Variants in FERMT2 observed in about 807,000 individuals in gnomAD.
The protein encoded by FERMT2 is fermitin family homolog 2.
A neutral mutation model predicts 82.7 loss-of-function variants in FERMT2; 15 were observed. The ratio of observed to expected loss-of-function variants is 0.18; its 90% CI spans 0.12 to 0.28. The LOEUF is 0.28. Among genes scored for constraint, FERMT2 ranks in the 10% least tolerant of loss-of-function variants. The pLI is 1.00. For missense variants in FERMT2, 645 were observed against 809.4 expected (o/e 0.80, Z 2.46); for synonymous variants, 274 against 271.5 (o/e 1.01, Z -0.09).
intron 10 of FERMT2, 82 bp downstream of exon 10, chr14:52,872,717 G>C (rs1427641695): frequency 4.7e-6 from 7 of 1,474,136 alleles, no homozygotes; most frequent in Middle Eastern, 1.8e-4. Context: ...TAAAAAACTT[G>C]TTTATCCCAG....
At chr14:52,889,777 A>G (rs1886824771) in intron 4 of FERMT2, among the ~76,000 whole-genome samples, 1 of 152,176 alleles carries the variant, frequency 6.6e-6, no homozygotes, top group Non-Finnish European at 1.5e-5. Context: ...GGCAACTGTA[A>G]CACAATGGTA....
chr14:52,939,373 CA>C (rs35130630), intron 2 of FERMT2, among the ~76,000 whole-genome samples: 1,354 of 93,224 alleles, frequency 0.015, 13 homozygotes, highest in African/African-American at 0.051. Flanking sequence ...ACTACGGTCT[CA>C]AAAAAAAAAA....
At chr14:52,878,962 GTATGT>G (rs1453545447) in intron 6 of FERMT2, among the ~76,000 whole-genome samples, 5 of 152,110 alleles carry the variant, frequency 3.3e-5, no homozygotes, top group Non-Finnish European at 7.4e-5. Flanking sequence ...AGTAGATTCT[GTATGT>G]TATTTTTCAG....
intron 2 of FERMT2, among the ~76,000 whole-genome samples, chr14:52,924,456 G>A (rs913641037): frequency 3.9e-5 from 6 of 152,124 alleles, no homozygotes; most frequent in Admixed American, 6.6e-5. Flanking sequence ...CACCACCTTG[G>A]TGACATCTCT....
At chr14:52,924,677 TAAG>T (rs1479939441) in intron 2 of FERMT2, among the ~76,000 whole-genome samples, 1 of 152,000 alleles carries the variant, frequency 6.6e-6, no homozygotes, top group Non-Finnish European at 1.5e-5. Flanking sequence ...GAAGTACAAA[TAAG>T]AAATACAGAA....
chr14:52,933,710 C>T (rs371242247), intron 2 of FERMT2, among the ~76,000 whole-genome samples: 1 of 8,450 alleles, frequency 1.2e-4, no homozygotes, highest in Non-Finnish European at 2.3e-4. Flanking sequence ...AACTCCGTCT[C>T]AAAAAAAAAA....
At chr14:52,871,105 T>C (rs1241756485) in intron 10 of FERMT2, among the ~76,000 whole-genome samples, 1 of 152,192 alleles carries the variant, frequency 6.6e-6, no homozygotes, top group African/African-American at 2.4e-5. Context: ...ACCAGGAGAC[T>C]ATGGCTGCAG....
intron 4 of FERMT2, among the ~76,000 whole-genome samples, chr14:52,887,747 C>T (rs369632128): frequency 5.5e-4 from 83 of 152,146 alleles, no homozygotes; most frequent in African/African-American, 1.8e-3. Flanking sequence ...TCCTTATTAC[C>T]TTTGTGACCT....
chr14:52,948,098 C>T (rs1456881157), intron 2 of FERMT2, among the ~76,000 whole-genome samples: 1 of 152,170 alleles, frequency 6.6e-6, no homozygotes, highest in Non-Finnish European at 1.5e-5. Context: ...CTCTGCAAAC[C>T]TGAGACAACA....
Position 52,950,950 on chromosome 14 carries a change from C to T in FERMT2, c.-39G>A, listed in dbSNP as rs1290794684. On this transcript the variant is annotated 5_prime_UTR_variant, in exon 1 of 15. Transcript: ENST00000341590. ...CGCTCCTAGCGCTCCGGGCCCGGGACTCGCGCGGCAACAGGCGAGGGGCTG... is the reference window on the plus strand; with the variant it reads ...CGCTCCTAGCGCTCCGGGCCCGGGATTCGCGCGGCAACAGGCGAGGGGCTG... 1 of 160,808 alleles carries T rather than the reference C, an allele frequency of 6.2e-6. No individual in the cohort carries two copies. Among genetic ancestry groups the T allele is most frequent in the African/African-American group, 2.4e-5 (1 of 41,642 alleles). 10.0% of individuals were successfully genotyped at this position (160,808 alleles called of 1,614,324 possible).
chr14:52,932,599 G>A (rs1051308242), intron 2 of FERMT2, among the ~76,000 whole-genome samples: 1 of 152,052 alleles, frequency 6.6e-6, no homozygotes, highest in Non-Finnish European at 1.5e-5. Flanking sequence ...ATGCAAAGAA[G>A]CAATTAAGAA....
At chr14:52,927,445 G>A (rs1889333743) in intron 2 of FERMT2, among the ~76,000 whole-genome samples, 1 of 151,636 alleles carries the variant, frequency 6.6e-6, no homozygotes, top group African/African-American at 2.4e-5. Flanking sequence ...ATTCCTACTT[G>A]ACTGTTTGGA....
Position 52,893,296 on chromosome 14 carries a change from A to T in FERMT2, c.523T>A (p.Ser175Thr), listed in dbSNP as rs767812914. 1.2e-5 allele frequency: 20 copies of T among 1,604,738 alleles called. No homozygotes were observed. In the South Asian group the frequency reaches 1.9e-4, roughly 15 times the overall value. Residue 175 changes from serine (S) to threonine (T), a missense_variant, in exon 4 of 15, where the codon TCA becomes ACA. Physicochemically the swap from Ser to Thr is moderately conservative, Grantham distance 58 (BLOSUM62 1). Coordinates refer to ENST00000341590, the MANE Select transcript of FERMT2 (RefSeq NM_006832.3). ...CATTGCTTGGTAAAAGTCTTACCTG[A>T]TCCAGGAGTGATAAGAGGCCCCTCT... Reference protein sequence around the residue: ...ELEGPLITPGSGSIYSSPGLY... With the variant: ...ELEGPLITPGTGSIYSSPGLY...
intron 12 of FERMT2, chr14:52,860,923 T>C: frequency 1.1e-6 from 1 of 909,166 alleles, no homozygotes. Flanking sequence ...TAAATTTAAA[T>C]TTCACTACTG....
intron 2 of FERMT2, among the ~76,000 whole-genome samples, chr14:52,944,157 C>A (rs1890217550): frequency 6.6e-6 from 1 of 152,200 alleles, no homozygotes; most frequent in Non-Finnish European, 1.5e-5. Context: ...GAAACTGATA[C>A]AATTTAATTC....
intron 3 of FERMT2, among the ~76,000 whole-genome samples, chr14:52,911,249 T>C (rs189850380): frequency 1.4e-4 from 22 of 152,204 alleles, no homozygotes; most frequent in Non-Finnish European, 2.5e-4. Context: ...TTTATGAACA[T>C]GGGAATTTGA....
intron 4 of FERMT2, among the ~76,000 whole-genome samples, chr14:52,884,562 T>C (rs951190403): frequency 3.3e-5 from 5 of 151,302 alleles, no homozygotes; most frequent in East Asian, 2.0e-4. Context: ...GACTGCACCA[T>C]TGCACTCCAG....
At position 52,860,482 on chromosome 14, in the gene FERMT2, A is replaced by G; in HGVS notation, c.1603-17T>C. On this transcript the variant is annotated splice_polypyrimidine_tract_variant and intron_variant, in intron 12 of 14. Transcript: ENST00000341590. ...CGCTGTTATCTAAACATGAGTAAAC[A>G]TCACCTTTACCATTGAACATTATTC... 1 of 1,605,536 alleles carries G rather than the reference A, an allele frequency of 6.2e-7. No individual in the cohort carries two copies. The highest frequency in any genetic ancestry group is 8.5e-7 in the Non-Finnish European group (1 of 1,175,696).
intron 2 of FERMT2, among the ~76,000 whole-genome samples, chr14:52,934,491 G>A (rs1178266542): frequency 3.9e-5 from 6 of 152,114 alleles, no homozygotes; most frequent in Admixed American, 3.9e-4. Context: ...TCCTAAGTCT[G>A]GATCAACTTA....
Sources: gnomAD v4.1 joint callset for allele counts (sites outside exome capture counted in the v4.1 genomes callset) on GRCh38, gnomAD v4.1.1 for gene constraint, MANE v1.5 for transcripts, NCBI Gene and HGNC (gene_info 2026-07-23, HGNC 2026-07-21) for gene names.